The following ADGRL3 variants were observed in gnomAD, a reference collection of about 807,000 sequenced individuals.
The protein encoded by ADGRL3 is adhesion G protein-coupled receptor L3.
ADGRL3 carries 62 observed loss-of-function variants against 153.5 expected under a neutral mutation model. The observed-to-expected ratio is 0.40, with a 90% CI of 0.33 to 0.50. The LOEUF (loss-of-function observed/expected upper bound fraction) is 0.50. Ranked by LOEUF, ADGRL3 falls within the 20% of genes least tolerant of loss-of-function variation. The probability of loss-of-function intolerance (pLI) is 0.47; values close to 1 mark genes in which losing one functional copy is unlikely to be tolerated. For synonymous variants in ADGRL3, 710 were observed against 672.5 expected (o/e 1.06, Z -0.86); for missense variants, 1,641 against 1,859.4 (o/e 0.88, Z 2.16).
intron 1 of ADGRL3, among the ~76,000 whole-genome samples, chr4:61,247,687 CTACATATTT>C (rs1757621758): frequency 6.6e-6 from 1 of 151,968 alleles, no homozygotes; most frequent in African/African-American, 2.4e-5. Flanking sequence ...GTTTTGTATT[CTACATATTT>C]TACATTAAAA....
chr4:61,758,361 CT>C (rs2096865023), intron 8 of ADGRL3, among the ~76,000 whole-genome samples: 1 of 152,146 alleles, frequency 6.6e-6, no homozygotes, highest in Non-Finnish European at 1.5e-5. Context: ...AATCTGGGTG[CT>C]CCTGTATTGG....
intron 2 of ADGRL3, among the ~76,000 whole-genome samples, chr4:61,492,121 A>G (rs960764622): frequency 5.3e-5 from 8 of 152,194 alleles, no homozygotes; most frequent in Non-Finnish European, 1.0e-4. Flanking sequence ...ATTCACCATT[A>G]CAATAATGCC....
intron 8 of ADGRL3, among the ~76,000 whole-genome samples, chr4:61,792,024 C>A (rs371991524): frequency 8.5e-5 from 13 of 152,180 alleles, no homozygotes; most frequent in African/African-American, 3.1e-4. Flanking sequence ...GAGACCTTTT[C>A]CCCTTTGTCT....
At chr4:61,368,386 T>A (rs943533931) in intron 1 of ADGRL3, among the ~76,000 whole-genome samples, 2 of 152,202 alleles carry the variant, frequency 1.3e-5, no homozygotes, top group Non-Finnish European at 2.9e-5. Flanking sequence ...CTTTAATCCA[T>A]CTTGAATTGA....
At chr4:61,508,655 ACT>A (rs1435866223) in intron 3 of ADGRL3, among the ~76,000 whole-genome samples, 12 of 151,984 alleles carry the variant, frequency 7.9e-5, no homozygotes, top group African/African-American at 2.9e-4. Flanking sequence ...ATATTGCATG[ACT>A]CTGAGGCAAA....
intron 3 of ADGRL3, among the ~76,000 whole-genome samples, chr4:61,514,837 C>T (rs924485350): frequency 7.9e-5 from 12 of 152,146 alleles, no homozygotes; most frequent in South Asian, 4.2e-4. Context: ...GTTCTATTGA[C>T]GTGTGTTTTT....
chr4:61,535,103 TA>T (rs1171641437), intron 4 of ADGRL3, among the ~76,000 whole-genome samples: 3 of 55,024 alleles, frequency 5.5e-5, no homozygotes, highest in African/African-American at 1.6e-4. Flanking sequence ...TATATTGAGG[TA>T]TTTTTTTTTA....
In ADGRL3 at chr4:61,476,337, C is replaced by T. The variant is rs982937607; in HGVS notation, c.-173-20784C>T. Among the ~76,000 whole-genome samples the T allele has an allele frequency of 4.0e-4, 61 of 152,042 alleles. 2 individuals carry two copies. The highest frequency in any genetic ancestry group is 4.8e-5 in the African/African-American group (2 of 41,424). On this transcript the variant is annotated intron_variant, in intron 2 of 26. Transcript: ENST00000683033. ...CTACCTCCCGGGTTCAAGCAATTCT[C>T]ATGCCTCAGCCCCCAGGTAGCTGGG... is the stretch of plus-strand genomic sequence containing the variant.
intron 17 of ADGRL3, among the ~76,000 whole-genome samples, chr4:61,959,849 A>C (rs962244911): frequency 6.6e-6 from 1 of 152,198 alleles, no homozygotes; most frequent in African/African-American, 2.4e-5. Flanking sequence ...GCACAATCCT[A>C]TTCCTAGTTC....
chr4:62,060,851 C>T (rs907844211), intron 25 of ADGRL3, among the ~76,000 whole-genome samples: 1 of 151,822 alleles, frequency 6.6e-6, no homozygotes, highest in African/African-American at 2.4e-5. Flanking sequence ...TCTGCCATTG[C>T]ACTATGTAAG....
At chr4:61,742,428 G>A (rs1007943495) in intron 8 of ADGRL3, among the ~76,000 whole-genome samples, 3 of 151,864 alleles carry the variant, frequency 2.0e-5, no homozygotes, top group Non-Finnish European at 4.4e-5. Context: ...ACAGGCGCCC[G>A]CCACCACGCC....
At chr4:61,372,031 A>G (rs1217153191) in intron 1 of ADGRL3, among the ~76,000 whole-genome samples, 1 of 152,020 alleles carries the variant, frequency 6.6e-6, no homozygotes, top group Non-Finnish European at 1.5e-5. Context: ...TCGGCTCCTG[A>G]GGCTTCTGCA....
At chr4:61,920,674 A>G (rs1308494000) in intron 13 of ADGRL3, among the ~76,000 whole-genome samples, 1 of 152,198 alleles carries the variant, frequency 6.6e-6, no homozygotes, top group Non-Finnish European at 1.5e-5. Flanking sequence ...TATCTTTAGC[A>G]CATGGGTTTC....
intron 7 of ADGRL3, among the ~76,000 whole-genome samples, chr4:61,731,175 T>C (rs2096435424): frequency 6.6e-6 from 1 of 151,994 alleles, no homozygotes; most frequent in Non-Finnish European, 1.5e-5. Context: ...TGTATATTGA[T>C]GATGGCCCTC....
rs78763303 is a variant in ADGRL3 at position 61,556,648 on chromosome 4, A to G, written c.260-30579A>G. ...CAAATACCTACTAAAGCTGGACTCA[A>G]CAAACACAGATGCTTTGCTTACTGG... On this transcript the variant is annotated intron_variant, in intron 4 of 26. Transcript: ENST00000683033. Among the ~76,000 whole-genome samples, 941 of 152,338 alleles carry G rather than the reference A, an allele frequency of 6.2e-3. 16 individuals are homozygous for G. Among genetic ancestry groups the G allele is most frequent in the African/African-American group, 0.022 (894 of 41,574 alleles).
rs751513777 is a variant in ADGRL3 at position 62,070,699 on chromosome 4, G to T, written c.4423G>T (p.Glu1475Ter). 6.4e-7 allele frequency: 1 copy of T among 1,551,344 alleles called. No individual in the cohort carries two copies. Residue 1475 changes from glutamate (E) to a stop codon, truncating the protein, a stop_gained, in exon 27 of 27, where the codon GAA (glutamate) becomes TAA (stop). Coordinates refer to ENST00000683033, the MANE Select transcript of ADGRL3 (RefSeq NM_001387552.1). LOFTEE classifies it high-confidence loss of function. ...GAGTGTTACCACCAGCACCCAGACC[G>T]AACCCCCACCGGCCAAATGTGGTGA... The part of the protein sequence containing the change: ...TESVTTSTQT[E>*]PPPAKCGDAE...
At chr4:61,399,193 A>G (rs975343897) in intron 2 of ADGRL3, among the ~76,000 whole-genome samples, 4 of 151,694 alleles carry the variant, frequency 2.6e-5, no homozygotes, top group African/African-American at 9.7e-5. Flanking sequence ...AAAATTTTTT[A>G]TGTCAGTTAA....
At chr4:61,450,844 A>G (rs534428234) in intron 2 of ADGRL3, among the ~76,000 whole-genome samples, 4 of 152,242 alleles carry the variant, frequency 2.6e-5, no homozygotes, top group African/African-American at 7.2e-5. Flanking sequence ...ATTTGAAAAA[A>G]TATTGAAGAC....
At chr4:61,584,590 ACTT>A (rs947371649) in intron 4 of ADGRL3, among the ~76,000 whole-genome samples, 1 of 151,988 alleles carries the variant, frequency 6.6e-6, no homozygotes, top group Non-Finnish European at 1.5e-5. Context: ...TTTTTAAAAA[ACTT>A]AATTGACTGG....
Sources: gnomAD v4.1 joint callset for allele counts (sites outside exome capture counted in the v4.1 genomes callset) on GRCh38, gnomAD v4.1.1 for gene constraint, MANE v1.5 for transcripts, NCBI Gene and HGNC (gene_info 2026-07-23, HGNC 2026-07-21) for gene names.